The following CREB5 variants were observed in gnomAD, a reference collection of about 807,000 sequenced individuals.
CREB5 encodes cAMP responsive element binding protein 5, also known as cyclic AMP-responsive element-binding protein 5.
Under a neutral mutation model 57.1 loss-of-function variants are expected in CREB5, and 19 were observed. That is an observed-to-expected ratio of 0.33 (90% CI 0.23 to 0.49). The LOEUF (loss-of-function observed/expected upper bound fraction) is 0.49, where lower values mean the gene tolerates loss of function less well. Ranked by LOEUF, CREB5 falls within the 20% of genes least tolerant of loss-of-function variation. CREB5 has a pLI of 0.99. For synonymous variants in CREB5, 238 were observed against 238.3 expected (o/e 1.00, Z 0.01); for missense variants, 579 against 671.6 (o/e 0.86, Z 1.52).
chr7:28,356,864 C>A (rs1188376298), intron 1 of CREB5, among the ~76,000 whole-genome samples: 1 of 152,218 alleles, frequency 6.6e-6, no homozygotes, highest in East Asian at 1.9e-4. Flanking sequence ...ACACGGCCGT[C>A]TGTGGCTGCA....
chr7:28,479,060 G>T (rs938609728), intron 1 of CREB5, among the ~76,000 whole-genome samples: 1 of 152,290 alleles, frequency 6.6e-6, no homozygotes, highest in South Asian at 2.1e-4. Context: ...AGGTGGGGAC[G>T]CACTTAGTCC....
At chr7:28,340,280 C>G (rs1785911197) in intron 1 of CREB5, among the ~76,000 whole-genome samples, 1 of 147,802 alleles carries the variant, frequency 6.8e-6, no homozygotes, top group African/African-American at 2.5e-5. Context: ...CTGAGTCTTA[C>G]CCAAAGCTCA....
At chr7:28,708,796 TG>T (rs1802257438) in intron 5 of CREB5, among the ~76,000 whole-genome samples, 1 of 152,296 alleles carries the variant, frequency 6.6e-6, no homozygotes, top group Middle Eastern at 3.4e-3. Context: ...GAGCTCAGAA[TG>T]GGGGTGGGGC....
At position 28,460,523 on chromosome 7, in the gene CREB5, C is replaced by T. The variant is rs553437226; in HGVS notation, c.4-27652C>T. ...ACTCCAGAGCCTGAAGTTTTAACTCCGGTGTTAGTATGTTTTGCCTTCCAA... is the reference window on the plus strand; with the variant it reads ...ACTCCAGAGCCTGAAGTTTTAACTCTGGTGTTAGTATGTTTTGCCTTCCAA... On this transcript the variant is annotated intron_variant, in intron 1 of 10. Coordinates refer to ENST00000357727, the MANE Select transcript of CREB5 (RefSeq NM_182898.4). Among the ~76,000 whole-genome samples, 36 of 152,168 alleles carry T rather than the reference C, an allele frequency of 2.4e-4. No individual in the cohort carries two copies. In the South Asian group the frequency reaches 5.6e-3, roughly 24 times the overall value.
chr7:28,634,920 T>C (rs916765121), intron 5 of CREB5, among the ~76,000 whole-genome samples: 3 of 152,180 alleles, frequency 2.0e-5, no homozygotes, highest in African/African-American at 7.2e-5. Context: ...TAGGAATGCA[T>C]TTGCCTGCAA....
At chr7:28,560,835 T>TGCGTGTGTGTGCGTGC (rs1450019513) in intron 4 of CREB5, among the ~76,000 whole-genome samples, 2 of 59,832 alleles carry the variant, frequency 3.3e-5, no homozygotes, top group African/African-American at 9.4e-5. Context: ...CGCGCGCGCG[T>TGCGTGTGTGTGCGTGC]GTGTGTGTGC....
intron 5 of CREB5, among the ~76,000 whole-genome samples, chr7:28,675,933 G>A (rs1357742137): frequency 6.6e-6 from 1 of 152,150 alleles, no homozygotes; most frequent in Non-Finnish European, 1.5e-5. Context: ...ATTTATTTCT[G>A]AAAGTCTCTA....
At chr7:28,480,033 C>A (rs217512) in intron 1 of CREB5, among the ~76,000 whole-genome samples, 134 of 149,182 alleles carry the variant, frequency 9.0e-4, no homozygotes, top group Middle Eastern at 6.9e-3. Flanking sequence ...CCTCCCCCCC[C>A]CCACATTATC....
intron 7 of CREB5, among the ~76,000 whole-genome samples, chr7:28,783,832 G>A (rs1194829391): frequency 6.6e-6 from 1 of 152,176 alleles, no homozygotes; most frequent in African/African-American, 2.4e-5. Context: ...CACAAAGCAG[G>A]CCCTTGATAA....
chr7:28,325,007 A>T (rs1327276479), intron 1 of CREB5, among the ~76,000 whole-genome samples: 1 of 152,114 alleles, frequency 6.6e-6, no homozygotes, highest in East Asian at 1.9e-4. Context: ...TCATCCCTAA[A>T]CTGCCCACTT....
At chr7:28,749,360 G>A (rs1804852617) in intron 7 of CREB5, 1 of 152,248 alleles carries the variant, frequency 6.6e-6, no homozygotes, top group African/African-American at 2.4e-5. Context: ...CCTGATGGAT[G>A]TCTCAGTGCT....
rs78950756 is a variant in CREB5, at chr7:28,676,996, G to A, written c.465-41757G>A. Among the ~76,000 whole-genome samples the A allele has an allele frequency of 7.5e-3, 1,148 of 152,234 alleles. 14 individuals are homozygous for A. The highest frequency in any genetic ancestry group is 0.026 in the African/African-American group (1,075 of 41,538). Reference sequence around the variant, plus strand: ...GTGTTATGTTACTGTGAACACAGATGTTTTCTTTCCATCCATTGTGGGCAT... The same window carrying A: ...GTGTTATGTTACTGTGAACACAGATATTTTCTTTCCATCCATTGTGGGCAT... On this transcript the variant is annotated intron_variant, in intron 5 of 10. Transcript: ENST00000357727.
intron 5 of CREB5, among the ~76,000 whole-genome samples, chr7:28,641,980 A>T (rs1000710353): frequency 1.3e-5 from 2 of 152,204 alleles, no homozygotes; most frequent in Non-Finnish European, 2.9e-5. Context: ...CTGGGTGTGC[A>T]TGTCACAATG....
At chr7:28,741,469 C>G (rs1044092951) in intron 7 of CREB5, among the ~76,000 whole-genome samples, 1 of 151,132 alleles carries the variant, frequency 6.6e-6, no homozygotes. Flanking sequence ...ACACATCTCT[C>G]TCTGAGTGGA....
At position 28,460,758 on chromosome 7, in the gene CREB5, C is replaced by T. The variant is rs78816765; in HGVS notation, c.4-27417C>T. 1.2e-3 allele frequency among the ~76,000 whole-genome samples: 184 copies of T among 151,960 alleles called. 2 individuals are homozygous for T. The highest frequency in any genetic ancestry group is 4.2e-3 in the African/African-American group (174 of 41,432). ...AGGCTGTTTTGCACGGTAAATGCTT[C>T]GTAAACGTCAGCTATTCATTAGTGA... On this transcript the variant is annotated intron_variant, in intron 1 of 10. Coordinates refer to ENST00000357727, the MANE Select transcript of CREB5 (RefSeq NM_182898.4).
At chr7:28,517,667 G>A (rs1213592956) in intron 4 of CREB5, among the ~76,000 whole-genome samples, 1 of 152,138 alleles carries the variant, frequency 6.6e-6, no homozygotes, top group Non-Finnish European at 1.5e-5. Context: ...AGGAGGCTAG[G>A]CTGTTTTCTT....
At chr7:28,301,665 C>A (rs1785099852) in intron 1 of CREB5, among the ~76,000 whole-genome samples, 1 of 152,190 alleles carries the variant, frequency 6.6e-6, no homozygotes, top group Non-Finnish European at 1.5e-5. Context: ...GAAGACACAG[C>A]CTGGCTATGA....
At chr7:28,438,325 A>G (rs927486804) in intron 1 of CREB5, among the ~76,000 whole-genome samples, 8 of 152,094 alleles carry the variant, frequency 5.3e-5, no homozygotes, top group African/African-American at 1.9e-4. Context: ...CGGGCAGGGT[A>G]TGAGATGGGA....
intron 5 of CREB5, among the ~76,000 whole-genome samples, chr7:28,573,631 T>G (rs1179962262): frequency 6.6e-6 from 1 of 152,228 alleles, no homozygotes; most frequent in Non-Finnish European, 1.5e-5. Flanking sequence ...GTTTTCGCTC[T>G]TCTCTGTCTC....
Sources: gnomAD v4.1 joint callset for allele counts (sites outside exome capture counted in the v4.1 genomes callset) on GRCh38, gnomAD v4.1.1 for gene constraint, MANE v1.5 for transcripts, NCBI Gene and HGNC (gene_info 2026-07-23, HGNC 2026-07-21) for gene names.